TPBG: variants seen among roughly 807,000 people sequenced by gnomAD.
TPBG encodes 5T4 oncofetal antigen.
Under a neutral mutation model 19.3 loss-of-function variants are expected in TPBG, and 13 were observed. The ratio of observed to expected loss-of-function variants is 0.67; its 90% CI spans 0.44 to 1.07. TPBG has a LOEUF of 1.07. Ranked by LOEUF, TPBG falls within the 50% of genes least tolerant of loss-of-function variation. The pLI, the probability that TPBG is intolerant of heterozygous loss-of-function variation, is 0.00. For missense variants in TPBG, 642 were observed against 559.6 expected, an observed-to-expected ratio of 1.15 and a Z score of -1.49; for synonymous variants, 338 against 259.8, an observed-to-expected ratio of 1.30 and a Z score of -2.89.
upstream of TPBG, chr6:82,363,716 C>G (rs1458970313): frequency 6.6e-6 from 1 of 152,362 alleles, no homozygotes. Flanking sequence ...CCGAGGTTGG[C>G]CGCGCGTCGG....
At chr6:82,364,006 A>C (rs1767396849) in intron 1 of TPBG, 98 bp downstream of exon 1, 1 of 152,296 alleles carries the variant, frequency 6.6e-6, no homozygotes, top group Non-Finnish European at 1.5e-5. Flanking sequence ...TCGGGTTGCC[A>C]CTGTACCCCG....
Position 82,364,965 on chromosome 6 carries a change from C to T in TPBG, c.4C>T (p.Pro2Ser), listed in dbSNP as rs1020301574. ...CTCCGGGGAAACGCGAGCCGCGATG[C>T]CTGGGGGGTGCTCCCGGGGCCCCGC... M[P>S]GGCSRGPAAG... is the part of the protein sequence containing the mutation. Residue 2 changes from proline (P) to serine (S), a missense_variant, in exon 2 of 2, where the codon CCT becomes TCT. Physicochemically the swap from Pro to Ser is moderately conservative, Grantham distance 74 (BLOSUM62 -1). Transcript: ENST00000369750. 1 of 1,503,442 alleles carries T rather than the reference C, an allele frequency of 6.7e-7. No individual in the cohort carries two copies. The highest frequency in any genetic ancestry group is 8.9e-7 in the Non-Finnish European group (1 of 1,129,026). The allele number at this position is 1,503,442 out of a possible 1,614,324, so 93.1% of individuals were successfully genotyped here. A position where few individuals can be genotyped will look rare whatever the true frequency, so the allele number is the denominator to read the frequency against.
At chr6:82,363,367 C>G (rs571649919), upstream of TPBG, 4 of 152,290 alleles carry the variant, frequency 2.6e-5, no homozygotes, top group Non-Finnish European at 5.9e-5. Flanking sequence ...GCTTCTGAAG[C>G]TTCCATACAA....
rs1562155584 is a variant in TPBG at position 82,366,891 on chromosome 6, A to G, written c.*667A>G. ...AACTGCATCGAGATCCAACCGACTGAATTGTTAAAAAAAAAAAAAATAAAG... is the reference window on the plus strand; with the variant it reads ...AACTGCATCGAGATCCAACCGACTGGATTGTTAAAAAAAAAAAAAATAAAG... On this transcript the variant is annotated 3_prime_UTR_variant, in exon 2 of 2. Coordinates refer to ENST00000369750, the MANE Select transcript of TPBG (RefSeq NM_001376922.1). 1.2e-5 allele frequency: 2 copies of G among 165,788 alleles called. No individual in the cohort carries two copies. Among genetic ancestry groups the G allele is most frequent in the South Asian group, 2.1e-4 (1 of 4,800 alleles). The allele number at this position is 165,788 out of a possible 1,614,324, so 10.3% of individuals were successfully genotyped here. A position where few individuals can be genotyped will look rare whatever the true frequency, so the allele number is the denominator to read the frequency against.
intron 1 of TPBG, 22 bp from the exon 2 acceptor site, chr6:82,364,601 G>C: frequency 4.2e-6 from 1 of 238,178 alleles, no homozygotes; most frequent in Non-Finnish European, 8.0e-6. Context: ...CGCTGTTCAC[G>C]CCTCTCTCCT....
At position 82,365,064 on chromosome 6, in the gene TPBG, A is replaced by ACCTCCTCGGCATCCTCCTTCT. The variant is rs1767443756; in HGVS notation, c.114_134dup (p.Ser39_Ala45dup). The ACCTCCTCGGCATCCTCCTTCT allele has an allele frequency of 1.3e-5, 20 of 1,553,360 alleles. No homozygotes were observed. Among genetic ancestry groups the ACCTCCTCGGCATCCTCCTTCT allele is most frequent in the South Asian group, 2.4e-5 (2 of 84,450 alleles). ...GGGCTGGGTCTCCTCGTCTTCTCCC[A>ACCTCCTCGGCATCCTCCTTCT]CCTCCTCGGCATCCTCCTTCTCCTC... On this transcript the variant is annotated inframe_insertion, in exon 2 of 2. Coordinates refer to ENST00000369750, the MANE Select transcript of TPBG (RefSeq NM_001376922.1).
At position 82,365,854 on chromosome 6, in the gene TPBG, G is replaced by A; in HGVS notation, c.893G>A (p.Cys298Tyr). Residue 298 changes from cysteine to tyrosine, a missense_variant, in exon 2 of 2, where the codon TGC becomes TAC. Physicochemically the swap from Cys to Tyr is radical, Grantham distance 194 (BLOSUM62 -2). Transcript: ENST00000369750. Reference sequence around the variant, plus strand: ...TTCCTGGACAACAATCCCTGGGTCTGCGACTGCCACATGGCAGACATGGTG... The same window carrying A: ...TTCCTGGACAACAATCCCTGGGTCTACGACTGCCACATGGCAGACATGGTG... ...RVFLDNNPWV[C>Y]DCHMADMVTW... 1 of 1,614,190 alleles carries A rather than the reference G, an allele frequency of 6.2e-7. No individual in the cohort carries two copies. The highest frequency in any genetic ancestry group is 8.5e-7 in the Non-Finnish European group (1 of 1,180,040).
In TPBG at chr6:82,363,877, C is replaced by CA. The variant is rs1491134907; in HGVS notation, c.-370dup. 1.3e-5 allele frequency: 2 copies of CA among 152,708 alleles called. No homozygotes were observed. Among genetic ancestry groups the CA allele is most frequent in the Non-Finnish European group, 2.9e-5 (2 of 68,482 alleles). The allele number at this position is 152,708 out of a possible 1,614,324, so 9.5% of individuals were successfully genotyped here. ...AAGTCGTCGCTACTCTGGTGGAACT[C>CA]AGAGTTGGTTCTGGAGGCGGCGGAC... On this transcript the variant is annotated 5_prime_UTR_variant, in exon 1 of 2. Transcript: ENST00000369750.
rs1479717599 is a variant in TPBG, at chr6:82,365,525, T to G, written c.564T>G (p.Asp188Glu). The change falls in exon 2 of 2, where the codon GAT becomes GAG. Residue 188 changes from aspartate to glutamate, a missense_variant. Coordinates refer to ENST00000369750, the MANE Select transcript of TPBG (RefSeq NM_001376922.1). ...LILNHIVPPE[D>E]ERQNRSFEGM... ...TGAACCACATCGTGCCCCCTGAAGA[T>G]GAGCGGCAGAACCGGAGCTTCGAGG... is the stretch of plus-strand genomic sequence containing the variant. 5 of 1,577,666 alleles carry G rather than the reference T, an allele frequency of 3.2e-6. No homozygotes were observed. In the African/African-American group the frequency reaches 6.8e-5, roughly 21 times the overall value.
chr6:82,364,946 G>A lies in TPBG; in HGVS notation c.-16G>A. The A allele has an allele frequency of 6.8e-7, 1 of 1,463,142 alleles. No homozygotes were observed. The highest frequency in any genetic ancestry group is 9.0e-7 in the Non-Finnish European group (1 of 1,112,570). The allele number at this position is 1,463,142 out of a possible 1,614,324, so 90.6% of individuals were successfully genotyped here. ...GGGCGCCGTCCCAGCCCAGCTCCGG[G>A]GAAACGCGAGCCGCGATGCCTGGGG... On this transcript the variant is annotated 5_prime_UTR_variant, in exon 2 of 2. Transcript: ENST00000369750.
rs773244685 is a variant in TPBG, at chr6:82,365,956, G to A, written c.995G>A (p.Arg332Gln). 9.3e-6 allele frequency: 15 copies of A among 1,613,954 alleles called. No homozygotes were observed. The highest frequency in any genetic ancestry group is 1.3e-5 in the African/African-American group (1 of 74,910). Residue 332 changes from arginine (R) to glutamine (Q), a missense_variant, in exon 2 of 2, where the codon CGG becomes CAG. Physicochemically the swap from Arg to Gln is conservative, Grantham distance 43 (BLOSUM62 1). Transcript: ENST00000369750. Reference sequence around the variant, plus strand: ...GCATATCCGGAAAAAATGAGGAATCGGGTCCTCTTGGAACTCAACAGTGCT... The same window carrying A: ...GCATATCCGGAAAAAATGAGGAATCAGGTCCTCTTGGAACTCAACAGTGCT... ...TCAYPEKMRN[R>Q]VLLELNSADL...
Position 82,365,576 on chromosome 6 carries a change from G to T in TPBG, c.615G>T (p.Ala205=). The T allele has an allele frequency of 6.3e-7, 1 of 1,582,854 alleles. No homozygotes were observed. Among genetic ancestry groups the T allele is most frequent in the South Asian group, 1.2e-5 (1 of 85,614 alleles). The change falls in exon 2 of 2, where the codon GCG becomes GCT. Residue 205 remains alanine, a synonymous_variant. Coordinates refer to ENST00000369750, the MANE Select transcript of TPBG (RefSeq NM_001376922.1). ...GCATGGTGGTGGCGGCCCTGCTGGC[G>T]GGCCGTGCACTGCAGGGGCTCCGCC... The part of the protein sequence containing the change: ...FEGMVVAALL[A]GRALQGLRRL...
At position 82,364,872 on chromosome 6, in the gene TPBG, C is replaced by T. The variant is rs926154077; in HGVS notation, c.-90C>T. On this transcript the variant is annotated 5_prime_UTR_variant, in exon 2 of 2. Transcript: ENST00000369750. ...GAGGAAAGTTTTTTTTTTCCAGACG[C>T]TTCCGCCGGCTCGCGCCCTCCGGGC... is the stretch of plus-strand genomic sequence containing the variant. The T allele has an allele frequency of 3.5e-6, 4 of 1,155,976 alleles. No individual in the cohort carries two copies. The highest frequency in any genetic ancestry group is 3.3e-5 in the African/African-American group (2 of 61,298). The allele number at this position is 1,155,976 out of a possible 1,614,324, so 71.6% of individuals were successfully genotyped here.
rs1359812460 is a variant in TPBG, at chr6:82,365,978, T to G, written c.1017T>G (p.Ser339Arg). ...MRNRVLLELNSADLDCDPILP... is the reference protein window; with the variant it reads ...MRNRVLLELNRADLDCDPILP... ...ATCGGGTCCTCTTGGAACTCAACAG[T>G]GCTGACCTGGACTGTGACCCGATTC... The change falls in exon 2 of 2, where the codon AGT becomes AGG. Residue 339 changes from serine (S) to arginine (R), a missense_variant. Coordinates refer to ENST00000369750, the MANE Select transcript of TPBG (RefSeq NM_001376922.1). 6.2e-7 allele frequency: 1 copy of G among 1,614,074 alleles called. No individual in the cohort carries two copies. Among genetic ancestry groups the G allele is most frequent in the Admixed American group, 1.7e-5 (1 of 60,012 alleles).
At position 82,364,790 on chromosome 6, in the gene TPBG, C is replaced by T. The variant is rs980056675; in HGVS notation, c.-172C>T. 4 of 528,530 alleles carry T rather than the reference C, an allele frequency of 7.6e-6. No individual in the cohort carries two copies. The Admixed American group carries it at 1.3e-4, about 17-fold the overall frequency. 32.7% of individuals were successfully genotyped at this position (528,530 alleles called of 1,614,324 possible). A position where few individuals can be genotyped will look rare whatever the true frequency, so the allele number is the denominator to read the frequency against. On this transcript the variant is annotated 5_prime_UTR_variant, in exon 2 of 2. Coordinates refer to ENST00000369750, the MANE Select transcript of TPBG (RefSeq NM_001376922.1). ...GGAATCGGCCCCTGAGGGAAGCGCC[C>T]GGTGGCGAGGGGGTTAGCCAAGTTC...
Position 82,364,773 on chromosome 6 carries a change from C to T in TPBG, c.-189C>T, listed in dbSNP as rs1401716840. ...TGGAGGGAAGGGGCGGGGGAATCGGCCCCTGAGGGAAGCGCCCGGTGGCGA... is the reference window on the plus strand; with the variant it reads ...TGGAGGGAAGGGGCGGGGGAATCGGTCCCTGAGGGAAGCGCCCGGTGGCGA... On this transcript the variant is annotated 5_prime_UTR_variant, in exon 2 of 2. Coordinates refer to ENST00000369750, the MANE Select transcript of TPBG (RefSeq NM_001376922.1). 2 of 492,330 alleles carry T rather than the reference C, an allele frequency of 4.1e-6. No individual in the cohort carries two copies. The highest frequency in any genetic ancestry group is 6.9e-6 in the Non-Finnish European group (2 of 289,690). The allele number at this position is 492,330 out of a possible 1,614,324, so 30.5% of individuals were successfully genotyped here. A position where few individuals can be genotyped will look rare whatever the true frequency, so the allele number is the denominator to read the frequency against.
Position 82,365,745 on chromosome 6 carries a change from A to T in TPBG, c.784A>T (p.Ser262Cys). 1 of 1,613,890 alleles carries T rather than the reference A, an allele frequency of 6.2e-7. No individual in the cohort carries two copies. Residue 262 changes from serine (S) to cysteine (C), a missense_variant, in exon 2 of 2, where the codon AGC becomes TGC. Transcript: ENST00000369750. Reference sequence around the variant, plus strand: ...CTTCCGCAACCTGACACATCTAGAAAGCCTCCACCTGGAGGACAATGCCCT... The same window carrying T: ...CTTCCGCAACCTGACACATCTAGAATGCCTCCACCTGGAGGACAATGCCCT... ...VSFRNLTHLE[S>C]LHLEDNALKV...
In TPBG at chr6:82,365,835, G is replaced by A; in HGVS notation, c.874G>A (p.Asp292Asn). 6.2e-7 allele frequency: 1 copy of A among 1,614,154 alleles called. No individual in the cohort carries two copies. The change falls in exon 2 of 2, where the codon GAC becomes AAC. Residue 292 changes from aspartate (D) to asparagine (N), a missense_variant. Physicochemically the swap from Asp to Asn is conservative, Grantham distance 23 (BLOSUM62 1). Transcript: ENST00000369750. ...TCTACCCCACATTAGGGTTTTCCTG[G>A]ACAACAATCCCTGGGTCTGCGACTG... ...QGLPHIRVFL[D>N]NNPWVCDCHM... is the part of the protein sequence containing the mutation.
At position 82,367,093 on chromosome 6, in the gene TPBG, A is replaced by T. The variant is rs1229839442; in HGVS notation, c.*869A>T. 1 of 167,052 alleles carries T rather than the reference A, an allele frequency of 6.0e-6. No homozygotes were observed. The highest frequency in any genetic ancestry group is 6.5e-5 in the Admixed American group (1 of 15,284). The allele number at this position is 167,052 out of a possible 1,614,324, so 10.3% of individuals were successfully genotyped here. ...TCGTTTTGAAATGGTGGATCCTTTT[A>T]GTATTTAAATGGAGAGTTTGAGTAT... On this transcript the variant is annotated 3_prime_UTR_variant, in exon 2 of 2. Transcript: ENST00000369750.
Sources: allele counts gnomAD v4.1 joint callset, GRCh38; gene constraint gnomAD v4.1.1; transcripts MANE v1.5; gene names NCBI Gene and HGNC (gene_info 2026-07-23, HGNC 2026-07-21).